Variants in PLCH1 observed in about 807,000 individuals in gnomAD.
The protein encoded by PLCH1 is phospholipase C eta 1, also known as 1-phosphatidylinositol 4,5-bisphosphate phosphodiesterase eta-1.
Under a neutral mutation model 126.7 loss-of-function variants are expected in PLCH1, and 60 were observed. That is an observed-to-expected ratio of 0.47 (90% CI 0.38 to 0.59). The LOEUF (loss-of-function observed/expected upper bound fraction) is 0.59, where lower values mean the gene tolerates loss of function less well. PLCH1 is among the 20% of genes least tolerant of loss of function. The probability of loss-of-function intolerance (pLI) is 0.00; values close to 1 mark genes in which losing one functional copy is unlikely to be tolerated. For missense variants in PLCH1, 1,723 were observed against 2,040.0 expected (o/e 0.84, Z 2.99); for synonymous variants, 719 against 734.9 (o/e 0.98, Z 0.35).
chr3:155,695,208 CT>C (rs1745705114), intron 2 of PLCH1, among the ~76,000 whole-genome samples: 1 of 152,054 alleles, frequency 6.6e-6, no homozygotes, highest in Admixed American at 6.5e-5. Context: ...CTCAAAAAGC[CT>C]TTTGAAATTA....
chr3:155,712,186 G>A (rs1023238331), intron 1 of PLCH1, among the ~76,000 whole-genome samples: 4 of 152,162 alleles, frequency 2.6e-5, no homozygotes, highest in African/African-American at 9.7e-5. Flanking sequence ...TCTGGTTTCA[G>A]TTCTAACAAC....
At chr3:155,504,481 A>G (rs1718370192) in intron 13 of PLCH1, 74 bp downstream of exon 13, 2 of 819,650 alleles carry the variant, frequency 2.4e-6, no homozygotes, top group South Asian at 1.5e-5. Context: ...CAAGGTCATG[A>G]TGATATTCTC....
chr3:155,659,298 A>ACTT (rs1313010310), intron 2 of PLCH1, among the ~76,000 whole-genome samples: 6 of 68,330 alleles, frequency 8.8e-5, no homozygotes, highest in East Asian at 3.8e-4. Flanking sequence ...ATGTCTATTC[A>ACTT]CTTCTTTTTT....
intron 2 of PLCH1, among the ~76,000 whole-genome samples, chr3:155,627,317 T>A (rs1737429299): frequency 6.6e-6 from 1 of 152,168 alleles, no homozygotes; most frequent in Non-Finnish European, 1.5e-5. Context: ...ACTGCCACCC[T>A]GTTTGTAATG....
intron 2 of PLCH1, among the ~76,000 whole-genome samples, chr3:155,615,591 A>C (rs935604328): frequency 6.6e-6 from 1 of 152,336 alleles, no homozygotes; most frequent in Non-Finnish European, 1.5e-5. Flanking sequence ...CAGTCATAAA[A>C]GGAAATGAAA....
rs144717865 is a variant in PLCH1, at chr3:155,662,496, T to C, written c.79+41650A>G. On this transcript the variant is annotated intron_variant, in intron 2 of 22. Transcript: ENST00000460012. ...AAAAATTAAAAATAAAAATAAAACCTATATATGTATATATACAAGTTTTTT... is the reference window on the plus strand; with the variant it reads ...AAAAATTAAAAATAAAAATAAAACCCATATATGTATATATACAAGTTTTTT... Among the ~76,000 whole-genome samples the C allele has an allele frequency of 4.8e-3, 725 of 151,250 alleles. 2 individuals carry two copies. The highest frequency in any genetic ancestry group is 0.01 in the Middle Eastern group (3 of 292).
At chr3:155,486,846 T>G (rs1310198076) in intron 21 of PLCH1, 1 of 152,250 alleles carries the variant, frequency 6.6e-6, no homozygotes, top group Non-Finnish European at 1.5e-5. Context: ...TTAAACAAAT[T>G]CAGAATGTAA....
At chr3:155,682,853 G>A (rs570302008) in intron 2 of PLCH1, among the ~76,000 whole-genome samples, 4 of 152,328 alleles carry the variant, frequency 2.6e-5, no homozygotes, top group African/African-American at 7.2e-5. Flanking sequence ...GCTGAGAAGA[G>A]ATGAAGACCT....
intron 5 of PLCH1, among the ~76,000 whole-genome samples, chr3:155,585,293 G>T (rs1284699684): frequency 6.6e-6 from 1 of 152,030 alleles, no homozygotes; most frequent in East Asian, 1.9e-4. Context: ...ACATCATATT[G>T]CCCTCCTATG....
Position 155,591,646 on chromosome 3 carries a change from C to T in PLCH1, c.470+2295G>A, listed in dbSNP as rs531633845. Among the ~76,000 whole-genome samples, 279 of 152,224 alleles carry T rather than the reference C, an allele frequency of 1.8e-3. 1 individual carries two copies. The highest frequency in any genetic ancestry group is 6.1e-3 in the African/African-American group (255 of 41,528). ...AGTTTATTATTATTATAAATAAACACATTTTTATGTCTCACATTTAATCTC... is the reference window on the plus strand; with the variant it reads ...AGTTTATTATTATTATAAATAAACATATTTTTATGTCTCACATTTAATCTC... On this transcript the variant is annotated intron_variant, in intron 4 of 22. Coordinates refer to ENST00000460012, the MANE Select transcript of PLCH1 (RefSeq NM_014996.4).
chr3:155,616,926 C>G (rs1294541666), intron 2 of PLCH1, among the ~76,000 whole-genome samples: 5 of 151,948 alleles, frequency 3.3e-5, no homozygotes, highest in Non-Finnish European at 7.4e-5. Context: ...CTGATTAACC[C>G]TGTTAGATAT....
intron 2 of PLCH1, among the ~76,000 whole-genome samples, chr3:155,673,365 C>T (rs1743730967): frequency 6.6e-6 from 1 of 152,074 alleles, no homozygotes; most frequent in South Asian, 2.1e-4. Context: ...TATTCATCTT[C>T]ATATCCCCAA....
rs753373877 is a variant in PLCH1 at position 155,564,926 on chromosome 3, C to T, written c.1058G>A (p.Arg353His). Reference sequence around the variant, plus strand: ...AAAAGTGCACGTACCTTCCACACAGCGACAGCCCTCTTGCAGCACCCGTGC... The same window carrying T: ...AAAAGTGCACGTACCTTCCACACAGTGACAGCCCTCTTGCAGCACCCGTGC... ...MYARVLQEGC[R>H]CVEVDCWDGP... The change falls in exon 8 of 23, where the codon CGC becomes CAC. Residue 353 changes from arginine (R) to histidine (H), a missense_variant. Arg to His is a conservative substitution (Grantham distance 29). This residue lies in a region of PLCH1 where 776 missense variants were observed against 1,062.9 expected (regional missense o/e 0.73). Transcript: ENST00000460012. The T allele has an allele frequency of 7.4e-6, 12 of 1,612,682 alleles. No individual in the cohort carries two copies. The highest frequency in any genetic ancestry group is 1.0e-5 in the Non-Finnish European group (12 of 1,178,902).
At chr3:155,625,253 T>A (rs912567312) in intron 2 of PLCH1, among the ~76,000 whole-genome samples, 2 of 152,158 alleles carry the variant, frequency 1.3e-5, no homozygotes, top group Non-Finnish European at 2.9e-5. Context: ...CAAGATGGAT[T>A]AAAGACTTAA....
At chr3:155,581,704 T>A (rs2108586657) in intron 6 of PLCH1, among the ~76,000 whole-genome samples, 1 of 151,704 alleles carries the variant, frequency 6.6e-6, no homozygotes, top group South Asian at 2.1e-4. Context: ...GTGCCGAAAA[T>A]GTTCTGAAAT....
chr3:155,537,342 A>G lies in PLCH1; in HGVS notation c.1362+12445T>C, dbSNP rs1338083735. ...TATAAAACAATACAATGAAGAAAAA[A>G]AAAAGTATTCAGGCAAAAAAAACTA... On this transcript the variant is annotated intron_variant, in intron 10 of 22. Coordinates refer to ENST00000460012, the MANE Select transcript of PLCH1 (RefSeq NM_014996.4). Among the ~76,000 whole-genome samples the G allele has an allele frequency of 1.3e-5, 2 of 151,942 alleles. 1 individual carries two copies. The highest frequency in any genetic ancestry group is 2.9e-5 in the Non-Finnish European group (2 of 67,958).
chr3:155,627,993 C>T (rs1025114889), intron 2 of PLCH1, among the ~76,000 whole-genome samples: 1 of 152,018 alleles, frequency 6.6e-6, no homozygotes, highest in Non-Finnish European at 1.5e-5. Context: ...TCTCGAACTC[C>T]TGACCTCAAG....
At chr3:155,563,672 T>C (rs946937514) in intron 8 of PLCH1, among the ~76,000 whole-genome samples, 1 of 152,100 alleles carries the variant, frequency 6.6e-6, no homozygotes, top group South Asian at 2.1e-4. Flanking sequence ...CCTTTCACAC[T>C]GTTGCCCAAA....
rs956743223 is a variant in PLCH1 at position 155,488,390 on chromosome 3, T to C, written c.2539+270A>G. ...TTTTTTATTTTTAGTAGGGACGGGG[T>C]TTCTCCATGTTGGTCAGGCTGGTCT... is the stretch of plus-strand genomic sequence containing the variant. On this transcript the variant is annotated intron_variant, in intron 20 of 22. Coordinates refer to ENST00000460012, the MANE Select transcript of PLCH1 (RefSeq NM_014996.4). 2.6e-5 allele frequency among the ~76,000 whole-genome samples: 4 copies of C among 151,842 alleles called. No homozygotes were observed. In the East Asian group the frequency reaches 7.8e-4, roughly 29 times the overall value.
Sources: allele counts gnomAD v4.1 joint callset (sites outside exome capture counted in the v4.1 genomes callset), GRCh38; gene constraint gnomAD v4.1.1; regional missense constraint gnomAD v4.1.1; transcripts MANE v1.5; gene names NCBI Gene and HGNC (gene_info 2026-07-23, HGNC 2026-07-21).